ARHGAP19: variants seen among roughly 807,000 people sequenced by gnomAD.
ARHGAP19 encodes the protein rho GTPase-activating protein 19.
Under a neutral mutation model 60.9 loss-of-function variants are expected in ARHGAP19, and 48 were observed. The observed-to-expected ratio is 0.79, with a 90% CI of 0.62 to 1.00. The LOEUF is 1.00. Ranked by LOEUF, ARHGAP19 falls within the 50% of genes least tolerant of loss-of-function variation. The pLI is 0.00. For synonymous variants in ARHGAP19, 209 were observed against 215.5 expected (o/e 0.97, Z 0.27); for missense variants, 562 against 597.2 (o/e 0.94, Z 0.61).
At chr10:97,289,519 T>C (rs1400768564) in intron 1 of ARHGAP19, among the ~76,000 whole-genome samples, 1 of 152,098 alleles carries the variant, frequency 6.6e-6, no homozygotes, top group East Asian at 1.9e-4. Context: ...ACTGAAAATT[T>C]AAATTCAACT....
rs756229735 is a variant in ARHGAP19 at position 97,265,996 on chromosome 10, G to GACC, written c.183_185dup (p.Val62dup). ...AATCGATGAGCCTTGTGATATTGCT[G>GACC]ACCACCAACTCAGTGAAAATCTCAG... On this transcript the variant is annotated inframe_insertion, in exon 2 of 12. Coordinates refer to ENST00000358531, the MANE Select transcript of ARHGAP19 (RefSeq NM_032900.6). 3 of 1,614,110 alleles carry GACC rather than the reference G, an allele frequency of 1.9e-6. 1 individual carries two copies. In the South Asian group the frequency reaches 3.3e-5, roughly 18 times the overall value.
intron 1 of ARHGAP19, among the ~76,000 whole-genome samples, chr10:97,282,762 T>TTGTTAC (rs1296141032): frequency 6.6e-6 from 1 of 152,142 alleles, no homozygotes; most frequent in Non-Finnish European, 1.5e-5. Flanking sequence ...AGCCAATTCC[T>TTGTTAC]TGTTACTCGA....
At chr10:97,248,451 A>C (rs1842594790) in intron 6 of ARHGAP19, among the ~76,000 whole-genome samples, 1 of 152,176 alleles carries the variant, frequency 6.6e-6, no homozygotes, top group Admixed American at 6.6e-5. Flanking sequence ...AATATAAGAA[A>C]AAAAGAAATA....
At chr10:97,279,137 CTCTT>C (rs893889662) in intron 1 of ARHGAP19, among the ~76,000 whole-genome samples, 20 of 152,126 alleles carry the variant, frequency 1.3e-4, no homozygotes, top group African/African-American at 2.4e-4. Flanking sequence ...GTATTCTTCC[CTCTT>C]TCTATGTATC....
rs397847442 is a variant in ARHGAP19, at chr10:97,262,179, TAA to T, written c.613+1239_613+1240del. Among the ~76,000 whole-genome samples, 119 of 135,630 alleles carry T rather than the reference TAA, an allele frequency of 8.8e-4. 3 individuals carry two copies. The highest frequency in any genetic ancestry group is 1.3e-3 in the African/African-American group (47 of 36,548). 89.0% of individuals were successfully genotyped at this position (135,630 alleles called of 152,430 possible). A position where few individuals can be genotyped will look rare whatever the true frequency, so the allele number is the denominator to read the frequency against. On this transcript the variant is annotated intron_variant, in intron 4 of 11. Transcript: ENST00000358531. ...CCAGCCTGGGGAACAGGCTTTCTTT[TAA>T]AAAAAAAAAAAAAAAATTTTTTTTT...
intron 5 of ARHGAP19, 53 bp downstream of exon 5, chr10:97,259,349 G>A: frequency 7.2e-7 from 1 of 1,387,822 alleles, no homozygotes. Context: ...GCCATAGAAT[G>A]AGGCCCAGCC....
chr10:97,233,550 C>A (rs954629407), intron 9 of ARHGAP19, among the ~76,000 whole-genome samples: 2 of 152,082 alleles, frequency 1.3e-5, no homozygotes, highest in African/African-American at 4.8e-5. Context: ...GAACAGAAAA[C>A]CAAACACCAC....
chr10:97,284,268 G>A (rs2134925053), intron 1 of ARHGAP19, among the ~76,000 whole-genome samples: 1 of 152,154 alleles, frequency 6.6e-6, no homozygotes, highest in South Asian at 2.1e-4. Flanking sequence ...GATTACAGAT[G>A]TGCGACACCA....
At chr10:97,241,472 T>C (rs1589449714) in intron 8 of ARHGAP19, among the ~76,000 whole-genome samples, 1 of 151,456 alleles carries the variant, frequency 6.6e-6, no homozygotes, top group Non-Finnish European at 1.5e-5. Context: ...CCCAGAACTT[T>C]GGGAGGCCGA....
chr10:97,248,273 G>A (rs1842591679), intron 6 of ARHGAP19, among the ~76,000 whole-genome samples: 1 of 152,124 alleles, frequency 6.6e-6, no homozygotes, highest in African/African-American at 2.4e-5. Context: ...AATTAGCCGG[G>A]TGTGGTGGCG....
At chr10:97,250,037 G>C (rs1842620820) in intron 6 of ARHGAP19, among the ~76,000 whole-genome samples, 1 of 152,102 alleles carries the variant, frequency 6.6e-6, no homozygotes, top group African/African-American at 2.4e-5. Flanking sequence ...GCCCGCCTCA[G>C]CCTCCCAAAG....
intron 3 of ARHGAP19, among the ~76,000 whole-genome samples, chr10:97,264,609 C>T (rs547974706): frequency 3.3e-5 from 5 of 152,162 alleles, no homozygotes; most frequent in Non-Finnish European, 7.4e-5. Flanking sequence ...TTCATAGACA[C>T]GGTCTAATTT....
intron 1 of ARHGAP19, among the ~76,000 whole-genome samples, chr10:97,284,756 C>T (rs1318746192): frequency 6.6e-6 from 1 of 151,680 alleles, no homozygotes; most frequent in East Asian, 1.9e-4. Context: ...ATCCTACCAC[C>T]TCAGCCTCCC....
chr10:97,245,964 G>C lies in ARHGAP19; in HGVS notation c.993+308C>G, dbSNP rs980745812. ...TTTTTTCAAGAGACAGGGTCTCGCTGTGTTACCCAGGCTGGAGTGCAGTGG... is the reference window on the plus strand; with the variant it reads ...TTTTTTCAAGAGACAGGGTCTCGCTCTGTTACCCAGGCTGGAGTGCAGTGG... On this transcript the variant is annotated intron_variant, in intron 7 of 11. Transcript: ENST00000358531. Among the ~76,000 whole-genome samples, 3 of 151,972 alleles carry C rather than the reference G, an allele frequency of 2.0e-5. No homozygotes were observed. The East Asian group carries it at 5.8e-4, about 29-fold the overall frequency.
chr10:97,272,948 C>CT (rs1163139711), intron 1 of ARHGAP19, among the ~76,000 whole-genome samples: 1 of 150,978 alleles, frequency 6.6e-6, no homozygotes, highest in Non-Finnish European at 1.5e-5. Flanking sequence ...TCACGCCATT[C>CT]TCCTGCCTCA....
intron 1 of ARHGAP19, among the ~76,000 whole-genome samples, chr10:97,288,702 A>G (rs1021494072): frequency 6.6e-6 from 1 of 152,038 alleles, no homozygotes; most frequent in Non-Finnish European, 1.5e-5. Flanking sequence ...ATGACAGACT[A>G]CTATTCACTA....
chr10:97,266,257 C>A, intron 1 of ARHGAP19, 132 bp from the exon 2 acceptor site: 1 of 1,010,292 alleles, frequency 9.9e-7, no homozygotes, highest in Non-Finnish European at 1.4e-6. Flanking sequence ...TTTAACTGAG[C>A]CAGATGCCCT....
At chr10:97,229,737 CAG>C (rs746094428) in intron 10 of ARHGAP19, 25 bp downstream of exon 10, 1 of 1,480,188 alleles carries the variant, frequency 6.8e-7, no homozygotes, top group South Asian at 1.2e-5. Flanking sequence ...TACAGACAGA[CAG>C]ACAGTCCAAA....
At chr10:97,274,566 T>C (rs1035432237) in intron 1 of ARHGAP19, among the ~76,000 whole-genome samples, 9 of 152,156 alleles carry the variant, frequency 5.9e-5, no homozygotes, top group African/African-American at 2.2e-4. Context: ...GGCAAAATGT[T>C]AAGATTTGCT....
Sources: allele counts gnomAD v4.1 joint callset (sites outside exome capture counted in the v4.1 genomes callset), GRCh38; gene constraint gnomAD v4.1.1; transcripts MANE v1.5; gene names NCBI Gene and HGNC (gene_info 2026-07-23, HGNC 2026-07-21).